PCDHGB6: variants seen among roughly 807,000 people sequenced by gnomAD.
PCDHGB6 encodes the protein protocadherin gamma-B6.
A neutral mutation model predicts 59.1 loss-of-function variants in PCDHGB6; 51 were observed. The observed-to-expected ratio is 0.86, with a 90% CI of 0.69 to 1.09. The LOEUF is 1.09. Ranked by LOEUF, PCDHGB6 falls within the 50% of genes least tolerant of loss-of-function variation. The probability of loss-of-function intolerance (pLI) is 0.00; values close to 1 mark genes in which losing one functional copy is unlikely to be tolerated. For synonymous variants in PCDHGB6, 466 were observed against 495.1 expected (o/e 0.94, Z 0.78); for missense variants, 1,148 against 1,205.1 (o/e 0.95, Z 0.70).
intron 1 of PCDHGB6, chr5:141,415,791 CCTAGTCTCAA>C: frequency 2.2e-6 from 3 of 1,341,938 alleles, no homozygotes; most frequent in Non-Finnish European, 1.9e-6. Flanking sequence ...GTAAAATTCA[CCTAGTCTCAA>C]TCAAGGCCTA....
chr5:141,444,194 G>A (rs1209269773), intron 1 of PCDHGB6, among the ~76,000 whole-genome samples: 1 of 67,352 alleles, frequency 1.5e-5, no homozygotes, highest in Non-Finnish European at 2.7e-5. Flanking sequence ...TTTTTGAGAT[G>A]GAGTTTCACT....
chr5:141,494,845 C>G lies in PCDHGB6; in HGVS notation c.2457C>G (p.Ala819=), dbSNP rs747484430. The part of the protein sequence containing the change: ...PPNTDWRFSQ[A]QRPGTSGSQN... Reference sequence around the variant, plus strand: ...ACACGGACTGGCGTTTCTCTCAGGCCCAGAGACCCGGCACCAGCGGGTAGG... The same window carrying G: ...ACACGGACTGGCGTTTCTCTCAGGCGCAGAGACCCGGCACCAGCGGGTAGG... The change falls in exon 2 of 4, where the codon GCC becomes GCG. Residue 819 remains alanine, a synonymous_variant. Transcript: ENST00000520790. 1.2e-6 allele frequency: 2 copies of G among 1,614,144 alleles called. No individual in the cohort carries two copies. The highest frequency in any genetic ancestry group is 1.7e-6 in the Non-Finnish European group (2 of 1,180,028).
Position 141,470,128 on chromosome 5 carries a change from CA to C in PCDHGB6, c.2419-24670del, listed in dbSNP as rs200356364. Among the ~76,000 whole-genome samples, 62 of 150,148 alleles carry C rather than the reference CA, an allele frequency of 4.1e-4. 1 individual carries two copies. Among genetic ancestry groups the C allele is most frequent in the Middle Eastern group, 3.4e-3 (1 of 294 alleles). On this transcript the variant is annotated intron_variant, in intron 1 of 3. Coordinates refer to ENST00000520790, the MANE Select transcript of PCDHGB6 (RefSeq NM_018926.3). ...TGAGCAACAGAGCAAGACTTCGTCTCAAAAAAAAAGATCATAGATCATCTTA... is the reference window on the plus strand; with the variant it reads ...TGAGCAACAGAGCAAGACTTCGTCTCAAAAAAAAGATCATAGATCATCTTA...
At position 141,477,742 on chromosome 5, in the gene PCDHGB6, G is replaced by C; in HGVS notation, c.2419-17065G>C. 2 of 1,613,800 alleles carry C rather than the reference G, an allele frequency of 1.2e-6. No individual in the cohort carries two copies. Among genetic ancestry groups the C allele is most frequent in the Non-Finnish European group, 1.7e-6 (2 of 1,180,030 alleles). ...AATTAACAGCTCATATCAGCGATGG[G>C]GGCACCCCGGTCCTAGCCACCAACA... On this transcript the variant is annotated intron_variant, in intron 1 of 3. Coordinates refer to ENST00000520790, the MANE Select transcript of PCDHGB6 (RefSeq NM_018926.3). The surrounding 1 kb of genome is among the most constrained non-coding windows in gnomAD (Gnocchi z 4.9).
At chr5:141,413,612 T>C (rs1282180585) in intron 1 of PCDHGB6, 1 of 1,613,696 alleles carries the variant, frequency 6.2e-7, no homozygotes, top group Non-Finnish European at 8.5e-7. Context: ...GACGTAAAAA[T>C]TAATGAAAAT....
intron 1 of PCDHGB6, chr5:141,418,168 G>T (rs2096233804): frequency 6.2e-7 from 1 of 1,613,946 alleles, no homozygotes. Context: ...GAAGATGTGA[G>T]TTGCAATTGG....
chr5:141,419,794 T>G, intron 1 of PCDHGB6: 1 of 1,614,048 alleles, frequency 6.2e-7, no homozygotes, highest in Non-Finnish European at 8.5e-7. Flanking sequence ...TGCTAGTCGC[T>G]GTAAGAGATG....
At position 141,489,861 on chromosome 5, in the gene PCDHGB6, A is replaced by G. The variant is rs1221756350; in HGVS notation, c.2419-4946A>G. The G allele has an allele frequency of 1.2e-5, 19 of 1,614,058 alleles. No individual in the cohort carries two copies. Among genetic ancestry groups the G allele is most frequent in the Non-Finnish European group, 1.5e-5 (18 of 1,179,998 alleles). On this transcript the variant is annotated intron_variant, in intron 1 of 3. Transcript: ENST00000520790. The surrounding 1 kb of genome is among the most constrained non-coding windows in gnomAD (Gnocchi z 4.5). ...AGCTGGATCGTGAAGCCCAGGCAAGACATCAGCTGGTGCTTACTGCTGTGG... is the reference window on the plus strand; with the variant it reads ...AGCTGGATCGTGAAGCCCAGGCAAGGCATCAGCTGGTGCTTACTGCTGTGG...
chr5:141,497,197 A>G (rs1243476120), intron 2 of PCDHGB6, among the ~76,000 whole-genome samples: 2 of 106,804 alleles, frequency 1.9e-5, no homozygotes, highest in African/African-American at 5.7e-5. Flanking sequence ...GCAGAGAACA[A>G]TGTGAGTGTA....
At chr5:141,422,488 A>G in intron 1 of PCDHGB6, 1 of 1,614,000 alleles carries the variant, frequency 6.2e-7, no homozygotes, top group Non-Finnish European at 8.5e-7. Context: ...GAGCTACAAT[A>G]TAACGTTGAC....
Position 141,422,537 on chromosome 5 carries a change from C to T in PCDHGB6, c.2418+11917C>T, listed in dbSNP as rs993210917. 2.5e-6 allele frequency: 4 copies of T among 1,613,874 alleles called. No individual in the cohort carries two copies. Among genetic ancestry groups the T allele is most frequent in the Non-Finnish European group, 3.4e-6 (4 of 1,179,894 alleles). ...GGAAGCCCGCCTTTGTCTGCAGAAA[C>T]TCATGTCTGGCTGAATGTGGCAGAT... is the stretch of plus-strand genomic sequence containing the variant. On this transcript the variant is annotated intron_variant, in intron 1 of 3. Coordinates refer to ENST00000520790, the MANE Select transcript of PCDHGB6 (RefSeq NM_018926.3).
intron 1 of PCDHGB6, chr5:141,420,364 ACTT>A (rs746817317): frequency 1.3e-4 from 174 of 1,368,558 alleles, no homozygotes; most frequent in Non-Finnish European, 1.6e-4. Context: ...ATTCTAGATA[ACTT>A]CTTCATAGAG....
At position 141,409,734 on chromosome 5, in the gene PCDHGB6, G is replaced by A; in HGVS notation, c.1532G>A (p.Ser511Asn). ...TCATACGTGTCAGTGAGCGCGCAGA[G>A]CGGGGTGGTGTTCGCGCAGCGCGCC... The part of the protein sequence containing the change: ...VSSYVSVSAQ[S>N]GVVFAQRAFD... The change falls in exon 1 of 4, where the codon AGC becomes AAC. Residue 511 changes from serine (S) to asparagine (N), a missense_variant. By Grantham distance (46) the Ser-to-Asn change is conservative (BLOSUM62 1). Transcript: ENST00000520790. 1 of 1,613,144 alleles carries A rather than the reference G, an allele frequency of 6.2e-7. No individual in the cohort carries two copies. The highest frequency in any genetic ancestry group is 2.2e-5 in the East Asian group (1 of 44,876).
intron 1 of PCDHGB6, among the ~76,000 whole-genome samples, chr5:141,444,482 T>G (rs1346576719): frequency 6.6e-6 from 1 of 152,000 alleles, no homozygotes; most frequent in Non-Finnish European, 1.5e-5. Context: ...CGTACTGGAT[T>G]TATATTGTGT....
At chr5:141,500,568 T>C (rs1562196424) in intron 2 of PCDHGB6, among the ~76,000 whole-genome samples, 2 of 152,190 alleles carry the variant, frequency 1.3e-5, no homozygotes, top group Admixed American at 6.5e-5. Context: ...CTTGTCACAC[T>C]TTCATGTGAC....
Position 141,483,626 on chromosome 5 carries a change from G to A in PCDHGB6, c.2419-11181G>A, listed in dbSNP as rs112905417. On this transcript the variant is annotated intron_variant, in intron 1 of 3. Coordinates refer to ENST00000520790, the MANE Select transcript of PCDHGB6 (RefSeq NM_018926.3). ...TTACACCTCCATCATTCCCATGGGA[G>A]AAGGTATAGAGGGGTGTGTGTTTGT... Among the ~76,000 whole-genome samples the A allele has an allele frequency of 6.0e-4, 90 of 150,886 alleles. 1 individual carries two copies. The highest frequency in any genetic ancestry group is 1.7e-3 in the African/African-American group (69 of 40,378).
chr5:141,430,926 C>T, intron 1 of PCDHGB6: 1 of 1,607,426 alleles, frequency 6.2e-7, no homozygotes, highest in Non-Finnish European at 8.5e-7. Flanking sequence ...GGGCTGGAGC[C>T]CCGGGAGCTC....
intron 1 of PCDHGB6, among the ~76,000 whole-genome samples, chr5:141,443,131 A>G (rs1042010214): frequency 7.2e-5 from 11 of 152,144 alleles, no homozygotes; most frequent in Non-Finnish European, 1.6e-4. Context: ...GATTAAGAAC[A>G]CTATCATAAG....
chr5:141,413,639 GT>G, intron 1 of PCDHGB6: 1 of 1,613,854 alleles, frequency 6.2e-7, no homozygotes, highest in South Asian at 1.1e-5. Context: ...GCGGGAATGC[GT>G]TTTCCTCTCC....
Sources: gnomAD v4.1 joint callset for allele counts (sites outside exome capture counted in the v4.1 genomes callset) on GRCh38, gnomAD v4.1.1 for gene constraint, Gnocchi (gnomAD v3.1) non-coding constraint, MANE v1.5 for transcripts, NCBI Gene and HGNC (gene_info 2026-07-23, HGNC 2026-07-21) for gene names.